The following MAGEA11 variants were observed in gnomAD, a reference collection of about 807,000 sequenced individuals.
MAGEA11 encodes the protein MAGE family member A11, also known as melanoma-associated antigen 11.
MAGEA11 carries 1 observed loss-of-function variant against 8.4 expected under a neutral mutation model. The observed-to-expected ratio is 0.12, with a 90% CI of 0.04 to 0.57. The LOEUF (loss-of-function observed/expected upper bound fraction) is 0.57, where lower values mean the gene tolerates loss of function less well. Ranked by LOEUF, MAGEA11 falls within the 20% of genes least tolerant of loss-of-function variation. The pLI is 0.91. For synonymous variants in MAGEA11, 127 were observed against 119.3 expected, an observed-to-expected ratio of 1.06 and a Z score of -0.42; for missense variants, 209 against 317.3, an observed-to-expected ratio of 0.66 and a Z score of 2.59.
At position 149,713,151 on chromosome X, in the gene MAGEA11, AT is replaced by A; in HGVS notation, c.-8del. On this transcript the variant is annotated 5_prime_UTR_variant, in exon 2 of 5. The change abolishes the stop of an existing upstream ORF in the 5' untranslated region. Coordinates refer to ENST00000355220, the MANE Select transcript of MAGEA11 (RefSeq NM_005366.5). ...GGTGCCTTTTCATTCAGCCTTGGGAATCTGAGGGATGGAGACTCAGTTCCGC... is the reference window on the plus strand; with the variant it reads ...GGTGCCTTTTCATTCAGCCTTGGGAACTGAGGGATGGAGACTCAGTTCCGC... 8.4e-7 allele frequency: 1 copy of A among 1,194,262 alleles called. No homozygotes were observed. Among genetic ancestry groups the A allele is most frequent in the Non-Finnish European group, 1.1e-6 (1 of 881,394 alleles).
At chrX:149,712,845 A>T (rs1415956734) in intron 1 of MAGEA11, among the ~76,000 whole-genome samples, 4 of 112,307 alleles carry the variant, frequency 3.6e-5, no homozygotes, top group South Asian at 7.4e-4. Context: ...TCTGCCAGGC[A>T]TCAAGGTCAG....
Position 149,716,059 on chromosome X carries a change from C to T in MAGEA11, c.573C>T (p.Ser191=), listed in dbSNP as rs2233049. The change falls in exon 5 of 5, where the codon AGC becomes AGT. Residue 191 remains serine (S), a synonymous_variant. Transcript: ENST00000355220. ...CTGCCATGGATGCCATCTTTGGGAGCCTATCTGATGAGGGCTCTGGCAGCC... is the reference window on the plus strand; with the variant it reads ...CTGCCATGGATGCCATCTTTGGGAGTCTATCTGATGAGGGCTCTGGCAGCC... The part of the protein sequence containing the change: ...SPTAMDAIFG[S]LSDEGSGSQE... The T allele has an allele frequency of 6.6e-6, 8 of 1,212,008 alleles. No homozygotes were observed. The South Asian group carries it at 1.1e-4, about 16-fold the overall frequency.
chrX:149,700,689 A>G (rs1359125729), intron 1 of MAGEA11, among the ~76,000 whole-genome samples: 2 of 109,042 alleles, frequency 1.8e-5, no homozygotes, highest in African/African-American at 3.3e-5. Context: ...AGCATTAGAT[A>G]TATCTCCTAA....
intron 1 of MAGEA11, among the ~76,000 whole-genome samples, chrX:149,698,335 G>A (rs1171054102): frequency 2.8e-5 from 3 of 108,897 alleles, no homozygotes; most frequent in Non-Finnish European, 5.7e-5. Flanking sequence ...TTTTTAATTC[G>A]ACTTGTCTAG....
intron 1 of MAGEA11, among the ~76,000 whole-genome samples, chrX:149,706,202 C>T (rs182416595): frequency 8.9e-6 from 1 of 112,073 alleles, no homozygotes; most frequent in East Asian, 2.8e-4. Context: ...ACAAGAAAGC[C>T]TTACCCTTCC....
chrX:149,695,335 T>C (rs782597338), intron 1 of MAGEA11, among the ~76,000 whole-genome samples: 1 of 110,817 alleles, frequency 9.0e-6, no homozygotes, highest in East Asian at 2.8e-4. Context: ...GTTGCATTTT[T>C]CCCTCCAATT....
At chrX:149,710,440 G>T (rs1261228513), upstream of MAGEA11, among the ~76,000 whole-genome samples, 1 of 111,069 alleles carries the variant, frequency 9.0e-6, no homozygotes, top group Non-Finnish European at 1.9e-5. Flanking sequence ...GTTGGTTTTT[G>T]ATTGTTTGGT....
At chrX:149,714,923 C>G (rs2090419558) in intron 3 of MAGEA11, among the ~76,000 whole-genome samples, 1 of 110,728 alleles carries the variant, frequency 9.0e-6, no homozygotes, top group South Asian at 4.0e-4. Flanking sequence ...ATTTCCTCTT[C>G]TGATATCTCC....
chrX:149,707,468 C>T (rs147790611), upstream of MAGEA11, among the ~76,000 whole-genome samples: 2 of 111,920 alleles, frequency 1.8e-5, no homozygotes, highest in African/African-American at 6.5e-5. Flanking sequence ...GCCATCCTGT[C>T]CCTCAGTAAA....
upstream of MAGEA11, among the ~76,000 whole-genome samples, chrX:149,708,748 T>G (rs2090387436): frequency 9.0e-6 from 1 of 111,013 alleles, no homozygotes; most frequent in Non-Finnish European, 1.9e-5. Context: ...GCTTATTGGA[T>G]CCAGTATTCT....
chrX:149,694,941 G>A lies in MAGEA11; in HGVS notation c.9+5957G>A, dbSNP rs142461270. On this transcript the variant is annotated intron_variant, in intron 1 of 3. Coordinates refer to the MAGEA11 transcript ENST00000333104. ...TCACCATGTTAACCAGGCTGGTCTC[G>A]AACTCCTGACCTCAGGTGATCTGCC... Among the ~76,000 whole-genome samples, 552 of 111,027 alleles carry A rather than the reference G, an allele frequency of 5.0e-3. 1 individual carries two copies. Among genetic ancestry groups the A allele is most frequent in the Non-Finnish European group, 7.4e-3 (394 of 52,968 alleles).
chrX:149,694,324 G>C (rs2090321780), intron 1 of MAGEA11, among the ~76,000 whole-genome samples: 1 of 112,222 alleles, frequency 8.9e-6, no homozygotes, highest in African/African-American at 3.2e-5. Flanking sequence ...ACGATGTTGA[G>C]CACCTTTTCA....
chrX:149,697,712 A>G (rs782266032), intron 1 of MAGEA11, among the ~76,000 whole-genome samples: 16 of 111,303 alleles, frequency 1.4e-4, no homozygotes, highest in East Asian at 2.8e-4. Flanking sequence ...GCTTTGTGCA[A>G]TCTCAAAACT....
intron 1 of MAGEA11, among the ~76,000 whole-genome samples, 171 bp downstream of exon 1, chrX:149,712,333 G>A (rs1338569237): frequency 3.6e-5 from 4 of 111,692 alleles, no homozygotes; most frequent in Non-Finnish European, 7.5e-5. Context: ...GTGTGACCCG[G>A]GCAGAGGCAG....
intron 1 of MAGEA11, among the ~76,000 whole-genome samples, chrX:149,701,135 C>T (rs1353119136): frequency 1.8e-5 from 2 of 111,462 alleles, no homozygotes; most frequent in African/African-American, 3.3e-5. Context: ...CCTGAGGAAT[C>T]GCCACACTGA....
rs368280973 is a variant in MAGEA11, at chrX:149,715,762, C to T, written c.276C>T (p.Gly92=). 1.7e-6 allele frequency: 2 copies of T among 1,200,866 alleles called. No homozygotes were observed. The highest frequency in any genetic ancestry group is 3.7e-5 in the South Asian group (2 of 54,570). ...RITGGEQVLW[G]PITQIFPTVR... is the part of the protein sequence containing the mutation. ...CTCCCTCTCTCCCCAGGCTGTGGGG[C>T]CCCATCACCCAGATATTTCCCACAG... The change falls in exon 5 of 5, where the codon GGC becomes GGT. Residue 92 remains glycine (G), a synonymous_variant. Coordinates refer to ENST00000355220, the MANE Select transcript of MAGEA11 (RefSeq NM_005366.5).
chrX:149,693,934 T>C (rs1426609237), intron 1 of MAGEA11, among the ~76,000 whole-genome samples: 2 of 112,561 alleles, frequency 1.8e-5, no homozygotes, highest in Non-Finnish European at 3.8e-5. Context: ...CATTTCATTG[T>C]ATGTATATAC....
At chrX:149,702,948 G>A (rs141242415) in intron 1 of MAGEA11, among the ~76,000 whole-genome samples, 3,385 of 111,553 alleles carry the variant, frequency 0.03, 70 homozygotes, top group Middle Eastern at 0.07. Context: ...TTCACATACA[G>A]TTCCATTCTC....
At chrX:149,695,170 A>G (rs1557360456) in intron 1 of MAGEA11, among the ~76,000 whole-genome samples, 2 of 111,963 alleles carry the variant, frequency 1.8e-5, no homozygotes, top group Admixed American at 1.9e-4. Context: ...AGAGCCTAGA[A>G]TGGACTCTTT....
Sources: gnomAD v4.1 joint callset for allele counts (sites outside exome capture counted in the v4.1 genomes callset) on GRCh38, gnomAD v4.1.1 for gene constraint, MANE v1.5 for transcripts, NCBI Gene and HGNC (gene_info 2026-07-23, HGNC 2026-07-21) for gene names.